The following SIM2 variants were observed in gnomAD, a reference collection of about 807,000 sequenced individuals.
SIM2 encodes the protein single-minded homolog 2.
In SIM2, 28 loss-of-function variants were observed where a neutral mutation model predicts 64.8. The ratio of observed to expected loss-of-function variants is 0.43; its 90% confidence interval spans 0.32 to 0.59. The LOEUF (loss-of-function observed/expected upper bound fraction) is 0.59, where lower values mean the gene tolerates loss of function less well. Ranked by LOEUF, SIM2 falls within the 20% of genes least tolerant of loss-of-function variation. The probability of loss-of-function intolerance (pLI) is 0.07; values close to 1 mark genes in which losing one functional copy is unlikely to be tolerated. For synonymous variants in SIM2, 408 were observed against 391.1 expected (o/e 1.04, Z -0.51); for missense variants, 847 against 871.4 (o/e 0.97, Z 0.35).
chr21:36,699,650 C>T lies in SIM2; in HGVS notation c.-97C>T. ...GCCCACTCCGCGGACTCACCTGGCTCCCGGCTCCCCCTTCCCCATCCCCGC... is the reference window on the plus strand; with the variant it reads ...GCCCACTCCGCGGACTCACCTGGCTTCCGGCTCCCCCTTCCCCATCCCCGC... On this transcript the variant is annotated 5_prime_UTR_variant, in exon 1 of 11. Coordinates refer to ENST00000290399, the MANE Select transcript of SIM2 (RefSeq NM_005069.6). The surrounding 1 kb of genome is among the most constrained non-coding windows in gnomAD (Gnocchi z 5.6). The T allele has an allele frequency of 1.4e-6, 2 of 1,420,926 alleles. No individual in the cohort carries two copies. The highest frequency in any genetic ancestry group is 9.4e-7 in the Non-Finnish European group (1 of 1,062,092). 88.0% of individuals were successfully genotyped at this position (1,420,926 alleles called of 1,614,324 possible).
intron 3 of SIM2, among the ~76,000 whole-genome samples, chr21:36,718,753 T>C (rs2088779755): frequency 6.6e-6 from 1 of 152,138 alleles, no homozygotes; most frequent in African/African-American, 2.4e-5. Flanking sequence ...CTATTGATTA[T>C]AGCTCTAAAA....
At chr21:36,737,058 C>A (rs1315736330) in intron 7 of SIM2, among the ~76,000 whole-genome samples, 1 of 152,090 alleles carries the variant, frequency 6.6e-6, no homozygotes, top group Non-Finnish European at 1.5e-5. Context: ...TCCTGAGTAG[C>A]TGGGACTACA....
In SIM2 at chr21:36,745,223, A is replaced by G. The variant is rs747073193; in HGVS notation, c.1576+87A>G. 4.0e-6 allele frequency: 6 copies of G among 1,503,872 alleles called. No individual in the cohort carries two copies. The highest frequency in any genetic ancestry group is 1.7e-4 in the Middle Eastern group (1 of 5,752). 93.2% of individuals were successfully genotyped at this position (1,503,872 alleles called of 1,614,324 possible). ...CCATGGCGGTGGGTGGCAGATGGAG[A>G]CAGAACCCTCACGCTTTGGGCAAAC... is the stretch of plus-strand genomic sequence containing the variant. On this transcript the variant is annotated intron_variant, in intron 10 of 10. Transcript: ENST00000290399. The surrounding 1 kb of genome is among the most constrained non-coding windows in gnomAD (Gnocchi z 4.8).
intron 7 of SIM2, among the ~76,000 whole-genome samples, chr21:36,738,239 G>T (rs1036871215): frequency 5.3e-5 from 8 of 152,014 alleles, no homozygotes; most frequent in African/African-American, 1.9e-4. Flanking sequence ...AGATGCGGTG[G>T]CTCACGCCTG....
Position 36,748,223 on chromosome 21 carries a change from C to A in SIM2, c.*131C>A. Reference sequence around the variant, plus strand: ...TGTTTGAATTGGACCCCGCCGCCGACTTGCGGATTTCCACCGCGGAGGCCC... The same window carrying A: ...TGTTTGAATTGGACCCCGCCGCCGAATTGCGGATTTCCACCGCGGAGGCCC... On this transcript the variant is annotated 3_prime_UTR_variant, in exon 11 of 11. Transcript: ENST00000290399. 2.2e-6 allele frequency: 1 copy of A among 456,576 alleles called. No individual in the cohort carries two copies. The allele number at this position is 456,576 out of a possible 1,614,324, so 28.3% of individuals were successfully genotyped here.
chr21:36,723,359 G>C (rs1380805684), intron 5 of SIM2, among the ~76,000 whole-genome samples: 1 of 152,180 alleles, frequency 6.6e-6, no homozygotes, highest in Admixed American at 6.5e-5. Flanking sequence ...GAATCAGTGT[G>C]GCTTAGGGCA....
At chr21:36,712,239 CG>C (rs1304088430) in intron 2 of SIM2, among the ~76,000 whole-genome samples, 3 of 152,176 alleles carry the variant, frequency 2.0e-5, no homozygotes, top group Non-Finnish European at 4.4e-5. Context: ...AAAGCTACTA[CG>C]TTTAACCTGA....
intron 4 of SIM2, among the ~76,000 whole-genome samples, chr21:36,721,337 C>T (rs1381538280): frequency 6.6e-6 from 1 of 152,206 alleles, no homozygotes; most frequent in African/African-American, 2.4e-5. Context: ...CGAATTCTTT[C>T]ACTGTGGGGT....
chr21:36,747,499 C>T lies in SIM2; in HGVS notation c.1577-166C>T, dbSNP rs1173921645. ...CTCCTGGAACATTTCAGGTCGCGTCCTGAGATTGGACAGCACGGCCTAGAC... is the reference window on the plus strand; with the variant it reads ...CTCCTGGAACATTTCAGGTCGCGTCTTGAGATTGGACAGCACGGCCTAGAC... On this transcript the variant is annotated intron_variant, in intron 10 of 10. Coordinates refer to ENST00000290399, the MANE Select transcript of SIM2 (RefSeq NM_005069.6). The surrounding 1 kb of genome is among the most constrained non-coding windows in gnomAD (Gnocchi z 4.5). Among the ~76,000 whole-genome samples the T allele has an allele frequency of 6.6e-6, 1 of 151,808 alleles. No homozygotes were observed. Among genetic ancestry groups the T allele is most frequent in the African/African-American group, 2.4e-5 (1 of 41,368 alleles).
chr21:36,711,198 CATT>C (rs1004291885), intron 2 of SIM2, among the ~76,000 whole-genome samples: 3 of 152,214 alleles, frequency 2.0e-5, no homozygotes, highest in Non-Finnish European at 4.4e-5. Flanking sequence ...CTCTTTTCCT[CATT>C]ATCCCAGATA....
In SIM2 at chr21:36,726,307, C is replaced by G. The variant is rs1461449573; in HGVS notation, c.732C>G (p.Phe244Leu). The change falls in exon 6 of 11, where the codon TTC becomes TTG. Residue 244 changes from phenylalanine (F) to leucine (L), a missense_variant. Phe to Leu is a conservative substitution (Grantham distance 22, BLOSUM62 0). Transcript: ENST00000290399. This position sits in a 1 kb window ranked among gnomAD's most constrained non-coding sequence, Gnocchi z 4.5. The part of the protein sequence containing the change: ...FRASLDLKLI[F>L]LDSRVTEVTG... Reference sequence around the variant, plus strand: ...CCAGCCTTGACCTGAAGCTGATATTCCTGGATTCCAGGTGAGTTCGGCACC... The same window carrying G: ...CCAGCCTTGACCTGAAGCTGATATTGCTGGATTCCAGGTGAGTTCGGCACC... 5.0e-6 allele frequency: 8 copies of G among 1,612,554 alleles called. No homozygotes were observed. Among genetic ancestry groups the G allele is most frequent in the Non-Finnish European group, 6.8e-6 (8 of 1,179,656 alleles).
Position 36,709,071 on chromosome 21 carries a change from G to A in SIM2, c.176-97G>A, listed in dbSNP as rs985703817. On this transcript the variant is annotated intron_variant, in intron 1 of 10. Coordinates refer to ENST00000290399, the MANE Select transcript of SIM2 (RefSeq NM_005069.6). Reference sequence around the variant, plus strand: ...GGGAGACGCGCGGGACTCGTGGGGAGGGCTGGCAGGGTGCAGGGGTTCCGC... The same window carrying A: ...GGGAGACGCGCGGGACTCGTGGGGAAGGCTGGCAGGGTGCAGGGGTTCCGC... 4 of 1,053,544 alleles carry A rather than the reference G, an allele frequency of 3.8e-6. No homozygotes were observed. The African/African-American group carries it at 5.0e-5, about 13-fold the overall frequency. 65.3% of individuals were successfully genotyped at this position (1,053,544 alleles called of 1,614,324 possible).
intron 1 of SIM2, among the ~76,000 whole-genome samples, chr21:36,701,117 C>T (rs2088488263): frequency 6.6e-6 from 1 of 152,234 alleles, no homozygotes; most frequent in Admixed American, 6.5e-5. Flanking sequence ...AGGCGCGCTG[C>T]TCAGGGTTCT....
chr21:36,716,358 A>T (rs187882977), intron 3 of SIM2, among the ~76,000 whole-genome samples: 27 of 151,812 alleles, frequency 1.8e-4, no homozygotes, highest in African/African-American at 2.4e-4. Flanking sequence ...ACATGTTCAA[A>T]TAAATATACG....
At chr21:36,711,102 C>G (rs918672265) in intron 2 of SIM2, among the ~76,000 whole-genome samples, 1 of 152,170 alleles carries the variant, frequency 6.6e-6, no homozygotes, top group African/African-American at 2.4e-5. Context: ...TTTGAAGCTA[C>G]GAAGTCATAC....
chr21:36,740,947 A>G (rs1179257424), intron 7 of SIM2, among the ~76,000 whole-genome samples: 5 of 152,152 alleles, frequency 3.3e-5, no homozygotes, highest in African/African-American at 2.4e-5. Flanking sequence ...TCACCTCTCC[A>G]CTGCCCACCT....
At chr21:36,724,122 A>T (rs2088859773) in intron 5 of SIM2, among the ~76,000 whole-genome samples, 1 of 152,188 alleles carries the variant, frequency 6.6e-6, no homozygotes, top group Non-Finnish European at 1.5e-5. Context: ...GCCCCGCCCC[A>T]GCTCCCCTCT....
intron 7 of SIM2, among the ~76,000 whole-genome samples, chr21:36,737,184 C>T (rs2123488081): frequency 1.3e-5 from 2 of 152,348 alleles, no homozygotes; most frequent in South Asian, 4.1e-4. Flanking sequence ...CCATCTTGAC[C>T]TCCCAAAGTG....
At chr21:36,709,114 C>G in intron 1 of SIM2, 54 bp from the exon 2 acceptor site, 1 of 1,500,360 alleles carries the variant, frequency 6.7e-7, no homozygotes, top group Admixed American at 2.0e-5. Flanking sequence ...GCCCGGCTCC[C>G]AGGCATCGGG....
Sources: allele counts gnomAD v4.1 joint callset (sites outside exome capture counted in the v4.1 genomes callset), GRCh38; gene constraint gnomAD v4.1.1; non-coding constraint Gnocchi (gnomAD v3.1); transcripts MANE v1.5; gene names NCBI Gene and HGNC (gene_info 2026-07-23, HGNC 2026-07-21).